The following RAB3C variants were observed in gnomAD, a reference collection of about 807,000 sequenced individuals.
The protein encoded by RAB3C is ras-related protein Rab-3C.
In RAB3C, 17 loss-of-function variants were observed where a neutral mutation model predicts 26.4. The ratio of observed to expected loss-of-function variants is 0.64; its 90% CI spans 0.44 to 0.97. RAB3C has a LOEUF of 0.97. RAB3C is among the 50% of genes least tolerant of loss of function. The pLI is 0.00. For missense variants in RAB3C, 242 were observed against 281.9 expected (o/e 0.86, Z 1.01); for synonymous variants, 91 against 95.9 (o/e 0.95, Z 0.30).
rs76212848 is a variant in RAB3C at position 58,776,478 on chromosome 5, C to G, written c.372-48560C>G. Among the ~76,000 whole-genome samples the G allele has an allele frequency of 7.8e-4, 118 of 152,198 alleles. 2 individuals carry two copies. In the East Asian group the frequency reaches 0.02, roughly 25 times the overall value. On this transcript the variant is annotated intron_variant, in intron 3 of 4. Transcript: ENST00000282878. ...GGTCTTACAACAAAGCTAGTCTTAG[C>G]CTGTTTGTTAAGCTTCAAACTCCTT... is the stretch of plus-strand genomic sequence containing the variant.
At position 58,661,076 on chromosome 5, in the gene RAB3C, T is replaced by G. The variant is rs1038509975; in HGVS notation, c.252+43206T>G. Among the ~76,000 whole-genome samples, 32 of 150,196 alleles carry G rather than the reference T, an allele frequency of 2.1e-4. 6 individuals carry two copies. Among genetic ancestry groups the G allele is most frequent in the African/African-American group, 8.1e-4 (32 of 39,520 alleles). ...TGTTCCTGCCTCCCCAAAATTCATC[T>G]CTTATTTTAAGGTCCTATTAAAGTA... On this transcript the variant is annotated intron_variant, in intron 2 of 4. Transcript: ENST00000282878.
intron 3 of RAB3C, among the ~76,000 whole-genome samples, chr5:58,783,549 C>A (rs1374067403): frequency 1.3e-5 from 2 of 152,040 alleles, no homozygotes; most frequent in Non-Finnish European, 2.9e-5. Context: ...CACAGAAAAC[C>A]ATTATTTGTA....
chr5:58,647,431 A>C (rs1262347041), intron 2 of RAB3C, among the ~76,000 whole-genome samples: 1 of 152,096 alleles, frequency 6.6e-6, no homozygotes, highest in Non-Finnish European at 1.5e-5. Flanking sequence ...GCACTCACTC[A>C]TTATCATGAG....
intron 3 of RAB3C, among the ~76,000 whole-genome samples, chr5:58,756,363 CATAT>C: frequency 7.8e-6 from 1 of 128,696 alleles, no homozygotes; most frequent in Non-Finnish European, 1.6e-5. Context: ...ATATATATAA[CATAT>C]ATATATAACT....
chr5:58,831,712 T>A (rs1326584282), intron 4 of RAB3C, among the ~76,000 whole-genome samples: 1 of 152,210 alleles, frequency 6.6e-6, no homozygotes, highest in Non-Finnish European at 1.5e-5. Context: ...AGCAGGGATA[T>A]CAGGAGTCAC....
intron 4 of RAB3C, among the ~76,000 whole-genome samples, chr5:58,831,618 T>C (rs1298764399): frequency 6.6e-6 from 1 of 152,156 alleles, no homozygotes; most frequent in African/African-American, 2.4e-5. Flanking sequence ...GCGGTTCTCA[T>C]CTGAATAACT....
intron 2 of RAB3C, among the ~76,000 whole-genome samples, chr5:58,637,718 A>T (rs550224272): frequency 1.4e-4 from 21 of 152,148 alleles, no homozygotes; most frequent in African/African-American, 4.8e-4. Context: ...TTAAAAGTAC[A>T]TATGTTCATT....
chr5:58,728,883 T>G (rs1740943460), intron 3 of RAB3C, among the ~76,000 whole-genome samples: 2 of 152,060 alleles, frequency 1.3e-5, no homozygotes, highest in African/African-American at 2.4e-5. Flanking sequence ...ATGTTTCAAC[T>G]AAACAGAAAT....
intron 2 of RAB3C, among the ~76,000 whole-genome samples, chr5:58,641,211 G>T (rs746122901): frequency 9.2e-5 from 14 of 152,162 alleles, no homozygotes; most frequent in Non-Finnish European, 1.8e-4. Flanking sequence ...GGTGCAGGCT[G>T]TACTCAGTAG....
intron 1 of RAB3C, among the ~76,000 whole-genome samples, chr5:58,595,158 C>T (rs528767511): frequency 6.6e-6 from 1 of 152,232 alleles, no homozygotes; most frequent in Admixed American, 6.5e-5. Flanking sequence ...AGCAGAGTTG[C>T]ATAGCTTTGA....
chr5:58,589,272 C>T (rs1209062786), intron 1 of RAB3C, among the ~76,000 whole-genome samples: 1 of 151,964 alleles, frequency 6.6e-6, no homozygotes, highest in African/African-American at 2.4e-5. Flanking sequence ...CCCTATTGGT[C>T]ATGATATATT....
In RAB3C at chr5:58,722,263, A is replaced by G. The variant is rs865995218; in HGVS notation, c.253-3739A>G. On this transcript the variant is annotated intron_variant, in intron 2 of 4. Coordinates refer to ENST00000282878, the MANE Select transcript of RAB3C (RefSeq NM_138453.4). ...AGTGTCTGTGCTGAAAACATGCTTG[A>G]CAGAAAAGGTCTGGGTCACCTTTTA... Among the ~76,000 whole-genome samples, 8 of 151,912 alleles carry G rather than the reference A, an allele frequency of 5.3e-5. No individual in the cohort carries two copies. In the Middle Eastern group the frequency reaches 0.014, roughly 258 times the overall value.
chr5:58,728,458 T>G (rs1417552003), intron 3 of RAB3C, among the ~76,000 whole-genome samples: 1 of 152,084 alleles, frequency 6.6e-6, no homozygotes, highest in Non-Finnish European at 1.5e-5. Context: ...AACCATTCAT[T>G]TAGGAGTCTT....
At position 58,662,119 on chromosome 5, in the gene RAB3C, T is replaced by C. The variant is rs572812504; in HGVS notation, c.252+44249T>C. Among the ~76,000 whole-genome samples the C allele has an allele frequency of 2.7e-5, 4 of 149,952 alleles. No individual in the cohort carries two copies. In the East Asian group the frequency reaches 7.7e-4, roughly 29 times the overall value. On this transcript the variant is annotated intron_variant, in intron 2 of 4. Coordinates refer to ENST00000282878, the MANE Select transcript of RAB3C (RefSeq NM_138453.4). ...TCTTGTGGGAGGTCTCCTTTAGGTCTTAGATCCTGCTCACTCTCTCTATTT... is the reference window on the plus strand; with the variant it reads ...TCTTGTGGGAGGTCTCCTTTAGGTCCTAGATCCTGCTCACTCTCTCTATTT...
At chr5:58,647,131 G>A (rs1466104410) in intron 2 of RAB3C, among the ~76,000 whole-genome samples, 3 of 152,184 alleles carry the variant, frequency 2.0e-5, no homozygotes, top group Admixed American at 6.5e-5. Flanking sequence ...AGTAAAGTCA[G>A]CTCTCAGGAT....
At chr5:58,840,426 T>C (rs1458047208) in intron 4 of RAB3C, among the ~76,000 whole-genome samples, 7 of 152,232 alleles carry the variant, frequency 4.6e-5, no homozygotes, top group Admixed American at 2.0e-4. Flanking sequence ...CTCAGTTTTC[T>C]TAAGTTTATT....
intron 2 of RAB3C, among the ~76,000 whole-genome samples, chr5:58,630,459 T>C (rs978643775): frequency 8.5e-5 from 13 of 152,248 alleles, no homozygotes; most frequent in African/African-American, 2.9e-4. Context: ...ACCCATTGTA[T>C]GTACACATAA....
At chr5:58,617,926 T>C (rs1367567982) in intron 2 of RAB3C, 56 bp downstream of exon 2, 2 of 1,114,322 alleles carry the variant, frequency 1.8e-6, no homozygotes, top group African/African-American at 3.1e-5. Context: ...ACATATCCAT[T>C]TGTAAGGGAG....
intron 1 of RAB3C, among the ~76,000 whole-genome samples, chr5:58,588,395 A>C (rs1295575043): frequency 1.3e-5 from 2 of 152,132 alleles, no homozygotes; most frequent in Admixed American, 1.3e-4. Context: ...AGTTTTGGCC[A>C]CTTGGTAATG....
Sources: allele counts gnomAD v4.1 joint callset (sites outside exome capture counted in the v4.1 genomes callset), GRCh38; gene constraint gnomAD v4.1.1; transcripts MANE v1.5; gene names NCBI Gene and HGNC (gene_info 2026-07-23, HGNC 2026-07-21).